The following EFNA5 variants were observed in gnomAD, a reference collection of about 807,000 sequenced individuals.
EFNA5 encodes the protein ephrin A5.
Under a neutral mutation model 22.9 loss-of-function variants are expected in EFNA5, and 5 were observed. That is an observed-to-expected ratio of 0.22 (90% CI 0.11 to 0.46). EFNA5 has a LOEUF of 0.46. Ranked by LOEUF, EFNA5 falls within the 20% of genes least tolerant of loss-of-function variation. The probability of loss-of-function intolerance (pLI) is 0.99; values close to 1 mark genes in which losing one functional copy is unlikely to be tolerated. For synonymous variants in EFNA5, 113 were observed against 112.2 expected, an observed-to-expected ratio of 1.01 and a Z score of -0.04; for missense variants, 237 against 293.3, an observed-to-expected ratio of 0.81 and a Z score of 1.40.
At chr5:107,415,674 G>C (rs1748486803) in intron 2 of EFNA5, among the ~76,000 whole-genome samples, 1 of 152,204 alleles carries the variant, frequency 6.6e-6, no homozygotes, top group South Asian at 2.1e-4. Flanking sequence ...CATTCAAAAG[G>C]ATTTCAAATG....
intron 1 of EFNA5, among the ~76,000 whole-genome samples, chr5:107,459,788 G>A (rs1749787617): frequency 6.6e-6 from 1 of 152,108 alleles, no homozygotes; most frequent in Non-Finnish European, 1.5e-5. Context: ...CTGTCTCAGT[G>A]GGGCAGCACC....
intron 1 of EFNA5, among the ~76,000 whole-genome samples, chr5:107,515,117 C>G (rs148048599): frequency 8.6e-4 from 131 of 152,278 alleles, no homozygotes; most frequent in African/African-American, 3.0e-3. Flanking sequence ...GCACTGTAAC[C>G]TCCGCCTTCT....
intron 1 of EFNA5, among the ~76,000 whole-genome samples, chr5:107,638,595 T>C (rs977584041): frequency 1.4e-4 from 22 of 152,218 alleles, no homozygotes; most frequent in African/African-American, 5.1e-4. Flanking sequence ...ATAGCATCTA[T>C]GTTGTATTAG....
At chr5:107,388,653 A>G (rs1747702236) in intron 2 of EFNA5, 1 of 152,240 alleles carries the variant, frequency 6.6e-6, no homozygotes, top group South Asian at 2.1e-4. Flanking sequence ...AAGGCCCTTA[A>G]CAACCACATG....
intron 1 of EFNA5, among the ~76,000 whole-genome samples, chr5:107,646,840 T>C (rs1580580049): frequency 6.6e-6 from 1 of 152,130 alleles, no homozygotes; most frequent in African/African-American, 2.4e-5. Context: ...TTTAAAAAGC[T>C]TCATTGTATG....
chr5:107,627,833 G>T (rs368564749), intron 1 of EFNA5, among the ~76,000 whole-genome samples: 57 of 152,164 alleles, frequency 3.7e-4, no homozygotes, highest in African/African-American at 1.3e-3. Context: ...TTTACTAGAA[G>T]AGACTAAGTC....
chr5:107,660,031 C>T (rs1480808617), intron 1 of EFNA5, among the ~76,000 whole-genome samples: 6 of 151,620 alleles, frequency 4.0e-5, no homozygotes, highest in South Asian at 2.1e-4. Context: ...CAACACACAC[C>T]ACCTCTGTCA....
At chr5:107,515,937 T>C (rs961126736) in intron 1 of EFNA5, among the ~76,000 whole-genome samples, 1 of 152,212 alleles carries the variant, frequency 6.6e-6, no homozygotes, top group East Asian at 1.9e-4. Context: ...ATCATCCATT[T>C]GTTGAATTAC....
At chr5:107,543,397 T>C (rs1748085775) in intron 1 of EFNA5, among the ~76,000 whole-genome samples, 1 of 152,236 alleles carries the variant, frequency 6.6e-6, no homozygotes, top group South Asian at 2.1e-4. Context: ...AATATGACAA[T>C]GCTATTTTAC....
At chr5:107,565,192 T>C (rs1281199174) in intron 1 of EFNA5, among the ~76,000 whole-genome samples, 2 of 151,990 alleles carry the variant, frequency 1.3e-5, no homozygotes, top group Non-Finnish European at 2.9e-5. Context: ...CAATATGAAA[T>C]TCAAACCACA....
chr5:107,535,777 T>C (rs1010993891), intron 1 of EFNA5, among the ~76,000 whole-genome samples: 1 of 152,222 alleles, frequency 6.6e-6, no homozygotes, highest in Admixed American at 6.5e-5. Context: ...TTTTAATTAA[T>C]GTTAGTCATG....
In EFNA5 at chr5:107,444,879, T is replaced by C. The variant is rs1749350028; in HGVS notation, c.126-17370A>G. 5.3e-5 allele frequency among the ~76,000 whole-genome samples: 8 copies of C among 152,194 alleles called. No individual in the cohort carries two copies. In the South Asian group the frequency reaches 1.7e-3, roughly 32 times the overall value. On this transcript the variant is annotated intron_variant, in intron 1 of 4. Transcript: ENST00000333274. ...TTGATTTCCTGCTTCATTGGGAATA[T>C]ATATACATATTAATTAGTTTAAATG...
intron 1 of EFNA5, among the ~76,000 whole-genome samples, chr5:107,469,327 G>A (rs930760486): frequency 2.0e-5 from 3 of 152,062 alleles, no homozygotes; most frequent in Admixed American, 6.6e-5. Context: ...ATCCTCAAAT[G>A]CCCTAAACAA....
At chr5:107,387,916 A>G (rs561667361) in intron 2 of EFNA5, 145 bp from the exon 3 acceptor site, 22 of 596,408 alleles carry the variant, frequency 3.7e-5, no homozygotes, top group Middle Eastern at 4.4e-4. Flanking sequence ...CCAAATTAAA[A>G]CAAACAGTAC....
intron 1 of EFNA5, among the ~76,000 whole-genome samples, chr5:107,605,569 C>A (rs1749695231): frequency 2.0e-5 from 3 of 151,770 alleles, no homozygotes; most frequent in Admixed American, 2.0e-4. Context: ...ACCCCCACCC[C>A]CCGCCACCCC....
At chr5:107,390,468 CAT>C (rs1747760138) in intron 2 of EFNA5, among the ~76,000 whole-genome samples, 1 of 151,996 alleles carries the variant, frequency 6.6e-6, no homozygotes, top group Non-Finnish European at 1.5e-5. Context: ...GGAATTGAAA[CAT>C]GTAACATTCC....
intron 1 of EFNA5, among the ~76,000 whole-genome samples, chr5:107,662,698 G>A (rs552188644): frequency 6.6e-6 from 1 of 150,644 alleles, no homozygotes; most frequent in African/African-American, 2.4e-5. Context: ...TTAATATAAC[G>A]CATCTTAACC....
At chr5:107,584,971 G>A (rs1417084156) in intron 1 of EFNA5, among the ~76,000 whole-genome samples, 1 of 152,116 alleles carries the variant, frequency 6.6e-6, no homozygotes, top group Non-Finnish European at 1.5e-5. Flanking sequence ...TTCTAATGTA[G>A]GGAAAACAAG....
chr5:107,504,951 T>G (rs1364562911), intron 1 of EFNA5, among the ~76,000 whole-genome samples: 1 of 152,180 alleles, frequency 6.6e-6, no homozygotes, highest in Non-Finnish European at 1.5e-5. Context: ...TATTTATTAT[T>G]CAATTATTGC....
Sources: gnomAD v4.1 joint callset for allele counts (sites outside exome capture counted in the v4.1 genomes callset) on GRCh38, gnomAD v4.1.1 for gene constraint, MANE v1.5 for transcripts, NCBI Gene and HGNC (gene_info 2026-07-23, HGNC 2026-07-21) for gene names.